Variants in SLC6A15 observed in about 807,000 individuals in gnomAD.
The protein encoded by SLC6A15 is sodium-dependent neutral amino acid transporter B(0)AT2.
Under a neutral mutation model 68.5 loss-of-function variants are expected in SLC6A15, and 33 were observed. The observed-to-expected ratio is 0.48, with a 90% CI of 0.37 to 0.64. SLC6A15 has a LOEUF of 0.64. Among genes scored for constraint, SLC6A15 ranks in the 30% least tolerant of loss-of-function variants. The probability of loss-of-function intolerance (pLI) is 0.00; values close to 1 mark genes in which losing one functional copy is unlikely to be tolerated. For synonymous variants in SLC6A15, 347 were observed against 301.0 expected (o/e 1.15, Z -1.58); for missense variants, 747 against 874.3 (o/e 0.85, Z 1.84).
rs759778741 is a variant in SLC6A15 at position 84,863,189 on chromosome 12, T to TGTTA, written c.1818+246_1818+249dup. Among the ~76,000 whole-genome samples, 80 of 152,320 alleles carry TGTTA rather than the reference T, an allele frequency of 5.3e-4. 1 individual carries two copies. Among genetic ancestry groups the TGTTA allele is most frequent in the Non-Finnish European group, 1.0e-3 (70 of 68,020 alleles). On this transcript the variant is annotated intron_variant, in intron 11 of 11. Coordinates refer to ENST00000266682, the MANE Select transcript of SLC6A15 (RefSeq NM_182767.6). The stretch of plus-strand genomic sequence containing the variant: ...GGCCCAATAATTATTGGTTCATCAG[T>TGTTA]GTTAAGATGGATATATCTGCTTTAA...
At position 84,911,075 on chromosome 12, in the gene SLC6A15, G is replaced by A. The variant is rs145553213; in HGVS notation, c.-189+1448C>T. Among the ~76,000 whole-genome samples the A allele has an allele frequency of 2.7e-4, 41 of 152,260 alleles. No individual in the cohort carries two copies. The East Asian group carries it at 7.3e-3, about 27-fold the overall frequency. On this transcript the variant is annotated intron_variant, in intron 1 of 11. Coordinates refer to ENST00000266682, the MANE Select transcript of SLC6A15 (RefSeq NM_182767.6). Reference sequence around the variant, plus strand: ...TACTGGGCGCCTAAGACATAAATAGGTCTGTGTTTCAGCAATGATCTTGCA... The same window carrying A: ...TACTGGGCGCCTAAGACATAAATAGATCTGTGTTTCAGCAATGATCTTGCA...
chr12:84,876,061 C>G (rs894482218), intron 6 of SLC6A15, among the ~76,000 whole-genome samples: 1 of 151,290 alleles, frequency 6.6e-6, no homozygotes, highest in African/African-American at 2.4e-5. Flanking sequence ...AGTCAACTTC[C>G]AGATACACTA....
intron 1 of SLC6A15, among the ~76,000 whole-genome samples, chr12:84,910,919 C>T (rs1011554015): frequency 7.4e-6 from 1 of 135,204 alleles, no homozygotes; most frequent in Admixed American, 6.9e-5. Flanking sequence ...TGTTGAGCCG[C>T]CCTCTTTCCG....
At chr12:84,875,059 A>G (rs1374245442) in intron 6 of SLC6A15, among the ~76,000 whole-genome samples, 1 of 152,206 alleles carries the variant, frequency 6.6e-6, no homozygotes, top group Non-Finnish European at 1.5e-5. Flanking sequence ...GAATTATTAC[A>G]TATAAGCATT....
At chr12:84,884,895 C>A (rs1036639345) in intron 4 of SLC6A15, among the ~76,000 whole-genome samples, 7 of 151,588 alleles carry the variant, frequency 4.6e-5, no homozygotes, top group Non-Finnish European at 8.8e-5. Context: ...TCATCTATTT[C>A]TTTTTACTTT....
intron 11 of SLC6A15, among the ~76,000 whole-genome samples, chr12:84,862,892 C>T (rs1870910814): frequency 6.6e-6 from 1 of 152,078 alleles, no homozygotes; most frequent in Non-Finnish European, 1.5e-5. Flanking sequence ...TAGGCTCAAG[C>T]TATCCTTCAG....
intron 1 of SLC6A15, among the ~76,000 whole-genome samples, chr12:84,907,299 G>A (rs1473261449): frequency 1.3e-5 from 2 of 151,852 alleles, no homozygotes; most frequent in East Asian, 3.9e-4. Flanking sequence ...AGTGAGCTGA[G>A]ATCGCGCCAC....
In SLC6A15 at chr12:84,877,704, A is replaced by G. The variant is rs116200802; in HGVS notation, c.757-1097T>C. 7.4e-3 allele frequency among the ~76,000 whole-genome samples: 1,119 copies of G among 152,164 alleles called. 13 individuals are homozygous for G. Among genetic ancestry groups the G allele is most frequent in the African/African-American group, 0.026 (1,063 of 41,508 alleles). On this transcript the variant is annotated intron_variant, in intron 5 of 11. Transcript: ENST00000266682. ...CTGAGGTCTTCCCTGACCACCCAAAATAAGGTGATGCCTTTTTCTATCCTT... is the reference window on the plus strand; with the variant it reads ...CTGAGGTCTTCCCTGACCACCCAAAGTAAGGTGATGCCTTTTTCTATCCTT...
chr12:84,875,267 G>A (rs1002116392), intron 6 of SLC6A15, among the ~76,000 whole-genome samples: 1 of 151,678 alleles, frequency 6.6e-6, no homozygotes, highest in Non-Finnish European at 1.5e-5. Context: ...TTAAATTATA[G>A]TGTGGCTGAA....
At chr12:84,899,015 C>G (rs1872743201) in intron 1 of SLC6A15, among the ~76,000 whole-genome samples, 1 of 152,206 alleles carries the variant, frequency 6.6e-6, no homozygotes, top group South Asian at 2.1e-4. Flanking sequence ...CTAATATGGT[C>G]TAACTGACAT....
intron 1 of SLC6A15, among the ~76,000 whole-genome samples, chr12:84,898,327 G>A (rs1488436641): frequency 1.3e-5 from 2 of 152,242 alleles, no homozygotes; most frequent in Non-Finnish European, 2.9e-5. Flanking sequence ...GTGACAGAGT[G>A]AGATCTGTCT....
At chr12:84,899,446 T>A (rs1299288666) in intron 1 of SLC6A15, among the ~76,000 whole-genome samples, 1 of 152,172 alleles carries the variant, frequency 6.6e-6, no homozygotes, top group Non-Finnish European at 1.5e-5. Flanking sequence ...TCCAATTCCA[T>A]CAAAGGCATT....
chr12:84,868,313 A>G (rs985272705), intron 9 of SLC6A15, among the ~76,000 whole-genome samples: 3 of 152,184 alleles, frequency 2.0e-5, no homozygotes, highest in Non-Finnish European at 2.9e-5. Context: ...ATAATATTGC[A>G]TTCTCTTACT....
At chr12:84,905,356 C>T (rs942944425) in intron 1 of SLC6A15, among the ~76,000 whole-genome samples, 2 of 152,084 alleles carry the variant, frequency 1.3e-5, no homozygotes, top group Non-Finnish European at 2.9e-5. Flanking sequence ...ATTCAATGTC[C>T]ATTTATGATC....
chr12:84,875,681 TATATATATATATATATATG>T (rs1452850059), intron 6 of SLC6A15, among the ~76,000 whole-genome samples: 4,570 of 8,410 alleles, frequency 0.54, 639 homozygotes, highest in Admixed American at 0.56. Context: ...TATATATATA[TATATATATATATATATATG>T]AGAATCAAAA....
chr12:84,902,919 C>A (rs1872953184), intron 1 of SLC6A15, among the ~76,000 whole-genome samples: 1 of 151,978 alleles, frequency 6.6e-6, no homozygotes. Flanking sequence ...AGGTTACTAT[C>A]TTCATTGTGG....
intron 1 of SLC6A15, among the ~76,000 whole-genome samples, chr12:84,896,386 T>C (rs1872641545): frequency 6.6e-6 from 1 of 152,056 alleles, no homozygotes; most frequent in African/African-American, 2.4e-5. Flanking sequence ...AAAAAAAAGA[T>C]TGTGTTGGCA....
chr12:84,878,038 G>T (rs1871638367), intron 5 of SLC6A15, among the ~76,000 whole-genome samples: 1 of 152,026 alleles, frequency 6.6e-6, no homozygotes, highest in African/African-American at 2.4e-5. Context: ...GCAGGTAAAA[G>T]ATACTGAATT....
At chr12:84,906,210 C>T (rs1873145061) in intron 1 of SLC6A15, among the ~76,000 whole-genome samples, 1 of 152,076 alleles carries the variant, frequency 6.6e-6, no homozygotes, top group Non-Finnish European at 1.5e-5. Flanking sequence ...ATTAAACTGA[C>T]ATAATTACAC....
Sources: gnomAD v4.1 joint callset for allele counts (sites outside exome capture counted in the v4.1 genomes callset) on GRCh38, gnomAD v4.1.1 for gene constraint, MANE v1.5 for transcripts, NCBI Gene and HGNC (gene_info 2026-07-23, HGNC 2026-07-21) for gene names.